SRGAP1: variants seen among roughly 807,000 people sequenced by gnomAD.
SRGAP1 encodes SLIT-ROBO Rho GTPase-activating protein 1.
Under a neutral mutation model 121.9 loss-of-function variants are expected in SRGAP1, and 43 were observed. The observed-to-expected ratio is 0.35, with a 90% CI of 0.28 to 0.46. SRGAP1 has a LOEUF of 0.46. Ranked by LOEUF, SRGAP1 falls within the 20% of genes least tolerant of loss-of-function variation. The probability of loss-of-function intolerance (pLI) is 1.00; values close to 1 mark genes in which losing one functional copy is unlikely to be tolerated. For synonymous variants in SRGAP1, 447 were observed against 485.4 expected, an observed-to-expected ratio of 0.92 and a Z score of 1.04; for missense variants, 1,102 against 1,350.9, an observed-to-expected ratio of 0.82 and a Z score of 2.89.
intron 19 of SRGAP1, among the ~76,000 whole-genome samples, chr12:64,126,428 G>C (rs2036688824): frequency 6.6e-6 from 1 of 152,230 alleles, no homozygotes; most frequent in African/African-American, 2.4e-5. Flanking sequence ...GTTAAGAGCT[G>C]AAGTGACATT....
chr12:63,934,031 G>C (rs2031573783), intron 1 of SRGAP1, among the ~76,000 whole-genome samples: 1 of 152,160 alleles, frequency 6.6e-6, no homozygotes, highest in South Asian at 2.1e-4. Context: ...CTATGCCAAA[G>C]TAAATCTTCA....
At chr12:63,948,766 GTA>G (rs940310141) in intron 1 of SRGAP1, among the ~76,000 whole-genome samples, 1 of 136,962 alleles carries the variant, frequency 7.3e-6, no homozygotes, top group Non-Finnish European at 1.6e-5. Flanking sequence ...TATTTTCCAT[GTA>G]TATATATATT....
At chr12:64,010,545 T>TA (rs2034222402) in intron 3 of SRGAP1, among the ~76,000 whole-genome samples, 1 of 152,046 alleles carries the variant, frequency 6.6e-6, no homozygotes, top group South Asian at 2.1e-4. Flanking sequence ...CAGAAACCAG[T>TA]CCTTACTCAG....
At chr12:64,107,170 C>T (rs1273215480) in intron 15 of SRGAP1, among the ~76,000 whole-genome samples, 39 of 152,108 alleles carry the variant, frequency 2.6e-4, no homozygotes, top group Admixed American at 2.4e-3. Context: ...ATAGATTTTT[C>T]GTACCTTTTC....
chr12:64,068,682 G>T lies in SRGAP1; in HGVS notation c.1125+3463G>T, dbSNP rs533151479. On this transcript the variant is annotated intron_variant, in intron 8 of 21. Transcript: ENST00000355086. The stretch of plus-strand genomic sequence containing the variant: ...AGTGCTTGGGTTTTGAAAGTTATTT[G>T]CTGTCCTTTAAACACTGTAAGTTTT... Among the ~76,000 whole-genome samples, 8 of 151,668 alleles carry T rather than the reference G, an allele frequency of 5.3e-5. No individual in the cohort carries two copies. The East Asian group carries it at 1.6e-3, about 30-fold the overall frequency.
chr12:63,915,035 A>G (rs2030714076), intron 1 of SRGAP1, among the ~76,000 whole-genome samples: 1 of 152,148 alleles, frequency 6.6e-6, no homozygotes, highest in African/African-American at 2.4e-5. Flanking sequence ...TTTTCTTCTT[A>G]TATATTTTTG....
intron 6 of SRGAP1, among the ~76,000 whole-genome samples, chr12:64,046,348 A>G (rs1255647777): frequency 6.6e-6 from 1 of 152,176 alleles, no homozygotes; most frequent in Non-Finnish European, 1.5e-5. Context: ...CCTGGGTTAC[A>G]TTTTAAAGAT....
Position 63,921,981 on chromosome 12 carries a change from CT to C in SRGAP1, c.68-61952del, listed in dbSNP as rs745306989. ...GGAAATCAAGATAGGTGATTTCTTT[CT>C]TTTTTTTTTTTTTGAGACTGAGTCT... On this transcript the variant is annotated intron_variant, in intron 1 of 21. Coordinates refer to ENST00000355086, the MANE Select transcript of SRGAP1 (RefSeq NM_020762.4). Among the ~76,000 whole-genome samples, 400 of 143,394 alleles carry C rather than the reference CT, an allele frequency of 2.8e-3. 1 individual carries two copies. Among genetic ancestry groups the C allele is most frequent in the South Asian group, 0.014 (65 of 4,516 alleles). The allele number at this position is 143,394 out of a possible 152,430, so 94.1% of individuals were successfully genotyped here. A position where few individuals can be genotyped will look rare whatever the true frequency, so the allele number is the denominator to read the frequency against.
chr12:63,950,425 T>C (rs1293627486), intron 1 of SRGAP1, among the ~76,000 whole-genome samples: 3 of 152,146 alleles, frequency 2.0e-5, no homozygotes, highest in Admixed American at 6.5e-5. Context: ...CCACAAGCTT[T>C]TTGTGCTTTT....
In SRGAP1 at chr12:64,161,712, T is replaced by C. The variant is rs2037210322; in HGVS notation, c.*19040T>C. Reference sequence around the variant, plus strand: ...CCTAAAATTCCTGGTGATCCTTGGCTATCTGCTCGAATTTAAAAACAAGCA... The same window carrying C: ...CCTAAAATTCCTGGTGATCCTTGGCCATCTGCTCGAATTTAAAAACAAGCA... On this transcript the variant is annotated 3_prime_UTR_variant, in exon 22 of 22. Coordinates refer to ENST00000355086, the MANE Select transcript of SRGAP1 (RefSeq NM_020762.4). 1 of 152,232 alleles carries C rather than the reference T, an allele frequency of 6.6e-6. No individual in the cohort carries two copies. Among genetic ancestry groups the C allele is most frequent in the African/African-American group, 2.4e-5 (1 of 41,464 alleles). The allele number at this position is 152,232 out of a possible 1,614,324, so 9.4% of individuals were successfully genotyped here.
chr12:64,079,865 G>A (rs1217459561), intron 9 of SRGAP1, among the ~76,000 whole-genome samples: 2 of 152,242 alleles, frequency 1.3e-5, no homozygotes, highest in South Asian at 4.2e-4. Flanking sequence ...CACACTTCAA[G>A]TAACAAGTTT....
chr12:63,924,092 A>C (rs2031168991), intron 1 of SRGAP1, among the ~76,000 whole-genome samples: 1 of 152,178 alleles, frequency 6.6e-6, no homozygotes, highest in African/African-American at 2.4e-5. Context: ...AGGGAGGTGG[A>C]GGTCGTAGTG....
chr12:64,156,978 A>G lies in SRGAP1; in HGVS notation c.*14306A>G, dbSNP rs983969066. ...AGGCCTGCACTGCTCATGCTTTGGG[A>G]CCAGAAAGCGGATGGTTTGATATGG... On this transcript the variant is annotated 3_prime_UTR_variant, in exon 22 of 22. Transcript: ENST00000355086. 1 of 152,102 alleles carries G rather than the reference A, an allele frequency of 6.6e-6. No individual in the cohort carries two copies. The allele number at this position is 152,102 out of a possible 1,614,324, so 9.4% of individuals were successfully genotyped here.
At chr12:64,050,690 G>C (rs2035220944) in intron 6 of SRGAP1, among the ~76,000 whole-genome samples, 1 of 152,054 alleles carries the variant, frequency 6.6e-6, no homozygotes, top group Admixed American at 6.6e-5. Flanking sequence ...TGTCCCTTAA[G>C]TATTTTTTAA....
chr12:64,111,878 T>G lies in SRGAP1; in HGVS notation c.2036T>G (p.Val679Gly). 6.2e-7 allele frequency: 1 copy of G among 1,614,054 alleles called. No homozygotes were observed. Among genetic ancestry groups the G allele is most frequent in the Non-Finnish European group, 8.5e-7 (1 of 1,180,002 alleles). The change falls in exon 17 of 22, where the codon GTG becomes GGG. Residue 679 changes from valine (V) to glycine (G), a missense_variant. By Grantham distance (109) the Val-to-Gly change is moderately radical (BLOSUM62 -3). Coordinates refer to ENST00000355086, the MANE Select transcript of SRGAP1 (RefSeq NM_020762.4). ...IQDQVSCQAH[V>G]NEIIKTIIIH... ...GATCAAGTGTCTTGCCAGGCACATG[T>G]GAATGAAATTATCAAAACCATCATC... is the stretch of plus-strand genomic sequence containing the variant.
At chr12:63,954,571 G>C (rs962009966) in intron 1 of SRGAP1, among the ~76,000 whole-genome samples, 1 of 151,502 alleles carries the variant, frequency 6.6e-6, no homozygotes, top group East Asian at 2.0e-4. Flanking sequence ...CCAGCTACTC[G>C]GGAGGCTGAG....
At chr12:63,853,513 G>C (rs1466159625) in intron 1 of SRGAP1, among the ~76,000 whole-genome samples, 2 of 152,140 alleles carry the variant, frequency 1.3e-5, no homozygotes, top group African/African-American at 4.8e-5. Flanking sequence ...TTTATGATGT[G>C]GTTAATTGTT....
At chr12:64,112,207 C>G (rs925181518) in intron 17 of SRGAP1, among the ~76,000 whole-genome samples, 33 of 152,126 alleles carry the variant, frequency 2.2e-4, no homozygotes, top group African/African-American at 8.0e-4. Flanking sequence ...AATAAATCTA[C>G]CCTATCGTGG....
At chr12:64,081,498 C>A (rs933756855) in intron 10 of SRGAP1, 4 of 149,628 alleles carry the variant, frequency 2.7e-5, no homozygotes, top group African/African-American at 9.8e-5. Context: ...ACGCAAACTA[C>A]TAAAAAGTGT....
Sources: gnomAD v4.1 joint callset for allele counts (sites outside exome capture counted in the v4.1 genomes callset) on GRCh38, gnomAD v4.1.1 for gene constraint, MANE v1.5 for transcripts, NCBI Gene and HGNC (gene_info 2026-07-23, HGNC 2026-07-21) for gene names.